UGT1A6: variants seen among roughly 807,000 people sequenced by gnomAD.
UGT1A6 encodes the protein UDP glucuronosyltransferase family 1 member A6.
In UGT1A6, 32 loss-of-function variants were observed where a neutral mutation model predicts 44.4. The ratio of observed to expected loss-of-function variants is 0.72; its 90% confidence interval spans 0.54 to 0.97. UGT1A6 has a LOEUF of 0.97. UGT1A6 is among the 50% of genes least tolerant of loss of function. The pLI, the probability that UGT1A6 is intolerant of heterozygous loss-of-function variation, is 0.00. For synonymous variants in UGT1A6, 238 were observed against 248.5 expected, an observed-to-expected ratio of 0.96 and a Z score of 0.40; for missense variants, 685 against 661.9, an observed-to-expected ratio of 1.03 and a Z score of -0.38.
At chr2:233,757,782 T>A (rs935250846) in intron 1 of UGT1A6, among the ~76,000 whole-genome samples, 4 of 151,680 alleles carry the variant, frequency 2.6e-5, no homozygotes, top group Admixed American at 6.6e-5. Context: ...AGCCTGTCAT[T>A]CTGATTTGAT....
At chr2:233,751,299 A>G (rs528984436) in intron 1 of UGT1A6, among the ~76,000 whole-genome samples, 1 of 152,078 alleles carries the variant, frequency 6.6e-6, no homozygotes, top group South Asian at 2.1e-4. Context: ...TGGAATGGGA[A>G]TATTTACCCA....
At chr2:233,733,174 G>T (rs2078363189) in intron 1 of UGT1A6, among the ~76,000 whole-genome samples, 1 of 152,204 alleles carries the variant, frequency 6.6e-6, no homozygotes, top group African/African-American at 2.4e-5. Context: ...CTGGGACTTT[G>T]CTGAAGTTGC....
chr2:233,705,070 A>G (rs1441909473), intron 1 of UGT1A6, among the ~76,000 whole-genome samples: 1 of 151,246 alleles, frequency 6.6e-6, no homozygotes. Flanking sequence ...CGGGAGGCGG[A>G]GGTTGCAGAG....
rs879478240 is a variant in UGT1A6 at position 233,725,179 on chromosome 2, GAGAGGC to G, written c.861+31350_861+31355del. Among the ~76,000 whole-genome samples the G allele has an allele frequency of 4.9e-3, 330 of 67,596 alleles. 71 individuals are homozygous for G. The highest frequency in any genetic ancestry group is 0.014 in the Middle Eastern group (2 of 144). 44.3% of individuals were successfully genotyped at this position (67,596 alleles called of 152,430 possible). On this transcript the variant is annotated intron_variant, in intron 1 of 4. Transcript: ENST00000305139. Reference sequence around the variant, plus strand: ...CTCTGCATGAGAGGGAGACCGTGGGGAGAGGCAGAGGCAGAGGCAGAGGCAGAGGCA... The same window carrying G: ...CTCTGCATGAGAGGGAGACCGTGGGGAGAGGCAGAGGCAGAGGCAGAGGCA...
Position 233,755,064 on chromosome 2 carries a change from C to T in UGT1A6, c.862-11970C>T, listed in dbSNP as rs570313254. ...GCAGCCGCCCTCCGCCCTCGCCTCGCCATAGCGGTCATAGATATCGCGTTT... is the reference window on the plus strand; with the variant it reads ...GCAGCCGCCCTCCGCCCTCGCCTCGTCATAGCGGTCATAGATATCGCGTTT... On this transcript the variant is annotated intron_variant, in intron 1 of 4. Coordinates refer to ENST00000305139, the MANE Select transcript of UGT1A6 (RefSeq NM_001072.4). 1.3e-5 allele frequency: 17 copies of T among 1,335,842 alleles called. No homozygotes were observed. In the East Asian group the frequency reaches 3.2e-4, roughly 25 times the overall value. The allele number at this position is 1,335,842 out of a possible 1,614,324, so 82.7% of individuals were successfully genotyped here.
At chr2:233,693,911 C>G in intron 1 of UGT1A6, 46 bp downstream of exon 1, 1 of 1,612,432 alleles carries the variant, frequency 6.2e-7, no homozygotes, top group South Asian at 1.1e-5. Flanking sequence ...CTTCCAGGCT[C>G]TGTCCTCCCT....
rs1466674217 is a variant in UGT1A6, at chr2:233,693,368, T to C, written c.364T>C (p.Tyr122His). The C allele has an allele frequency of 3.7e-6, 6 of 1,614,104 alleles. No homozygotes were observed. In the African/African-American group the frequency reaches 8.0e-5, roughly 22 times the overall value. The change falls in exon 1 of 5, where the codon TAC becomes CAC. Residue 122 changes from tyrosine to histidine, a missense_variant. Tyr to His is a moderately conservative substitution (Grantham distance 83, BLOSUM62 2). Transcript: ENST00000305139. ...YRNNMIVIGL[Y>H]FINCQSLLQD... ...GAATAACATGATTGTTATTGGCCTG[T>C]ACTTCATCAACTGCCAGAGCCTCCT...
At chr2:233,725,753 T>TA (rs1238799010) in intron 1 of UGT1A6, among the ~76,000 whole-genome samples, 1 of 152,188 alleles carries the variant, frequency 6.6e-6, no homozygotes, top group Non-Finnish European at 1.5e-5. Context: ...GTAAGAGACT[T>TA]ACATTTTCTT....
intron 1 of UGT1A6, among the ~76,000 whole-genome samples, chr2:233,727,889 C>A (rs906385439): frequency 1.3e-5 from 2 of 152,172 alleles, no homozygotes; most frequent in African/African-American, 4.8e-5. Flanking sequence ...CAATGGCAGA[C>A]ACGGCCAGGC....
At chr2:233,698,855 T>C (rs2075465931) in intron 1 of UGT1A6, among the ~76,000 whole-genome samples, 1 of 152,252 alleles carries the variant, frequency 6.6e-6, no homozygotes, top group Non-Finnish European at 1.5e-5. Context: ...TATTCCCATG[T>C]TGGTGTGACT....
At chr2:233,692,837 T>C, upstream of UGT1A6, 1 of 1,449,168 alleles carries the variant, frequency 6.9e-7, no homozygotes, top group South Asian at 1.5e-5. Context: ...ATTAAAATGG[T>C]TAAATATTAA....
chr2:233,758,631 T>C (rs1046720713), intron 1 of UGT1A6, among the ~76,000 whole-genome samples: 1 of 152,152 alleles, frequency 6.6e-6, no homozygotes, highest in Non-Finnish European at 1.5e-5. Context: ...AAGTACCTAC[T>C]CTAAGGAGAA....
At chr2:233,742,375 GC>G (rs1691959490) in intron 1 of UGT1A6, among the ~76,000 whole-genome samples, 1 of 151,984 alleles carries the variant, frequency 6.6e-6, no homozygotes, top group Non-Finnish European at 1.5e-5. Flanking sequence ...TGTCCTTAAG[GC>G]ACAGATGGCT....
intron 1 of UGT1A6, among the ~76,000 whole-genome samples, chr2:233,742,122 G>T (rs1282494456): frequency 6.6e-6 from 1 of 151,802 alleles, no homozygotes; most frequent in African/African-American, 2.4e-5. Flanking sequence ...GCTTGGTCGT[G>T]GAGACCCTAA....
At chr2:233,695,433 TTC>T (rs979728696) in intron 1 of UGT1A6, among the ~76,000 whole-genome samples, 4 of 150,934 alleles carry the variant, frequency 2.7e-5, no homozygotes, top group East Asian at 1.9e-4. Flanking sequence ...CTTCTTCTTC[TTC>T]TTTTTTTTTT....
chr2:233,747,846 A>G, intron 1 of UGT1A6: 1 of 1,613,572 alleles, frequency 6.2e-7, no homozygotes, highest in Non-Finnish European at 8.5e-7. Context: ...GCAAAGGGTC[A>G]AGAACATGCT....
chr2:233,724,108 C>T (rs1455095780), intron 1 of UGT1A6, among the ~76,000 whole-genome samples: 64 of 55,750 alleles, frequency 1.1e-3, no homozygotes, highest in South Asian at 2.6e-3. Context: ...TAGGGGCGGC[C>T]GGGCAGAGGC....
intron 1 of UGT1A6, chr2:233,740,623 G>C (rs1691436478): frequency 6.6e-6 from 1 of 151,816 alleles, no homozygotes; most frequent in Non-Finnish European, 1.5e-5. Context: ...GGGGCTCACA[G>C]GGTCATGCCT....
rs866500462 is a variant in UGT1A6 at position 233,723,536 on chromosome 2, T to A, written c.861+29671T>A. On this transcript the variant is annotated intron_variant, in intron 1 of 4. Transcript: ENST00000305139. ...ACAATCTTTTTTTTTTTTTTTTTTTTAATTTATTTTTTTATTGATAATTCT... is the reference window on the plus strand; with the variant it reads ...ACAATCTTTTTTTTTTTTTTTTTTTAAATTTATTTTTTTATTGATAATTCT... Among the ~76,000 whole-genome samples the A allele has an allele frequency of 8.1e-4, 98 of 121,464 alleles. 4 individuals are homozygous for A. The highest frequency in any genetic ancestry group is 1.3e-3 in the African/African-American group (39 of 29,948). 79.7% of individuals were successfully genotyped at this position (121,464 alleles called of 152,430 possible). A position where few individuals can be genotyped will look rare whatever the true frequency, so the allele number is the denominator to read the frequency against.
Sources: allele counts gnomAD v4.1 joint callset (sites outside exome capture counted in the v4.1 genomes callset), GRCh38; gene constraint gnomAD v4.1.1; transcripts MANE v1.5; gene names NCBI Gene and HGNC (gene_info 2026-07-23, HGNC 2026-07-21).